ICA1: variants seen among roughly 807,000 people sequenced by gnomAD.
ICA1 encodes islet cell autoantigen 1, also known as 69 kDa islet cell autoantigen.
ICA1 carries 40 observed loss-of-function variants against 71.0 expected under a neutral mutation model. The observed-to-expected ratio is 0.56, with a 90% confidence interval of 0.44 to 0.73. The LOEUF (loss-of-function observed/expected upper bound fraction) is 0.73, where lower values mean the gene tolerates loss of function less well. Ranked by LOEUF, ICA1 falls within the 30% of genes least tolerant of loss-of-function variation. ICA1 has a pLI of 0.00. For missense variants in ICA1, 578 were observed against 576.5 expected (o/e 1.00, Z -0.03); for synonymous variants, 207 against 209.5 (o/e 0.99, Z 0.10).
intron 12 of ICA1, among the ~76,000 whole-genome samples, chr7:8,133,262 A>G (rs530365563): frequency 8.5e-5 from 13 of 152,256 alleles, no homozygotes; most frequent in African/African-American, 2.9e-4. Context: ...TTTAGCCCCT[A>G]TAACTCTAAG....
rs1796952972 is a variant in ICA1 at position 8,221,223 on chromosome 7, C to T, written c.380+52G>A. On this transcript the variant is annotated intron_variant, in intron 5 of 13. Coordinates refer to ENST00000402384, the MANE Select transcript of ICA1 (RefSeq NM_001136020.3). The stretch of plus-strand genomic sequence containing the variant: ...GATTCCCTTTCGTGAGTAGGTGGGT[C>T]CCGGAGTCTCCTCAGATCCCCCCAG... The T allele has an allele frequency of 2.9e-5, 46 of 1,609,038 alleles. No homozygotes were observed. The South Asian group carries it at 4.1e-4, about 14-fold the overall frequency.
In ICA1 at chr7:8,222,638, C is replaced by A. The variant is rs541536506; in HGVS notation, c.257-1240G>T. 6.1e-4 allele frequency among the ~76,000 whole-genome samples: 93 copies of A among 152,234 alleles called. No individual in the cohort carries two copies. The highest frequency in any genetic ancestry group is 1.8e-3 in the African/African-American group (76 of 41,534). ...TATTAATTTGTGACTATAGTTTCAC[C>A]CTAAACATTCCCTTGGGAAGGCCCA... On this transcript the variant is annotated intron_variant, in intron 4 of 13. Transcript: ENST00000402384. The surrounding 1 kb of genome is among the most constrained non-coding windows in gnomAD (Gnocchi z 4.8).
chr7:8,115,805 A>G (rs1220720937), intron 13 of ICA1, among the ~76,000 whole-genome samples: 3 of 152,268 alleles, frequency 2.0e-5, no homozygotes, highest in South Asian at 2.1e-4. Context: ...GACCTGTCCC[A>G]AAAGAGAACA....
At chr7:8,217,352 G>A (rs1003510550) in intron 6 of ICA1, among the ~76,000 whole-genome samples, 11 of 152,146 alleles carry the variant, frequency 7.2e-5, no homozygotes, top group Non-Finnish European at 1.3e-4. Context: ...GTATTCTTAA[G>A]GACCAGAAGG....
rs1341460972 is a variant in ICA1, at chr7:8,234,947, TGA to T, written c.17+961_17+962del. 6.6e-6 allele frequency among the ~76,000 whole-genome samples: 1 copy of T among 151,920 alleles called. No homozygotes were observed. Among genetic ancestry groups the T allele is most frequent in the African/African-American group, 2.4e-5 (1 of 41,362 alleles). ...TTGGGAGGCTGAGGTGGGCAGATCA[TGA>T]GGTCAAGAGATCGAGACCATCCTGG... On this transcript the variant is annotated intron_variant, in intron 2 of 13. Coordinates refer to ENST00000402384, the MANE Select transcript of ICA1 (RefSeq NM_001136020.3). This position sits in a 1 kb window ranked among gnomAD's most constrained non-coding sequence, Gnocchi z 4.5.
intron 1 of ICA1, among the ~76,000 whole-genome samples, chr7:8,253,022 T>G (rs2128535010): frequency 6.6e-6 from 1 of 152,296 alleles, no homozygotes; most frequent in South Asian, 2.1e-4. Flanking sequence ...ACCTTATTTC[T>G]TTTTAGTTTT....
chr7:8,180,837 C>CT (rs571384468), intron 6 of ICA1, among the ~76,000 whole-genome samples: 3,520 of 143,714 alleles, frequency 0.024, 42 homozygotes, highest in African/African-American at 0.033. Context: ...GTCTCTCTCT[C>CT]TTTTTTTTTT....
At chr7:8,215,962 C>G (rs1424177865) in intron 6 of ICA1, among the ~76,000 whole-genome samples, 1 of 152,208 alleles carries the variant, frequency 6.6e-6, no homozygotes, top group Non-Finnish European at 1.5e-5. Context: ...GGACAAAACA[C>G]TAAAGCTTGC....
Position 8,113,927 on chromosome 7 carries a change from G to A in ICA1, c.1448C>T (p.Ala483Val), listed in dbSNP as rs1783922115. ...KTDKEHELLNA is the reference protein window; with the variant it reads ...KTDKEHELLNV ...GCCCTCCCGAAGGGTACAGATTCATGCATTGAGCAATTCGTGTTCTTTATC... is the reference window on the plus strand; with the variant it reads ...GCCCTCCCGAAGGGTACAGATTCATACATTGAGCAATTCGTGTTCTTTATC... Residue 483 changes from alanine (A) to valine (V), a missense_variant, in exon 14 of 14, where the codon GCA (alanine) becomes GTA (valine). Ala to Val is a moderately conservative substitution (Grantham distance 64). Coordinates refer to ENST00000402384, the MANE Select transcript of ICA1 (RefSeq NM_001136020.3). The surrounding 1 kb of genome is among the most constrained non-coding windows in gnomAD (Gnocchi z 4.2). 6.2e-6 allele frequency: 10 copies of A among 1,614,052 alleles called. No individual in the cohort carries two copies. In the Admixed American group the frequency reaches 6.7e-5, roughly 11 times the overall value.
intron 6 of ICA1, among the ~76,000 whole-genome samples, chr7:8,165,581 G>A (rs7797934): frequency 0.94 from 143,356 of 152,318 alleles, 67,492 homozygotes; most frequent in African/African-American, 0.95. Flanking sequence ...AGGAAGTCAA[G>A]CTATCCCTGT....
intron 6 of ICA1, among the ~76,000 whole-genome samples, chr7:8,164,266 T>C (rs1274246411): frequency 8.0e-6 from 1 of 124,690 alleles, no homozygotes; most frequent in Admixed American, 1.1e-4. Flanking sequence ...ATCGTCGCAC[T>C]GCACTCCAGC....
intron 3 of ICA1, among the ~76,000 whole-genome samples, chr7:8,229,823 CAA>C (rs1203378262): frequency 1.3e-5 from 2 of 152,084 alleles, no homozygotes; most frequent in Non-Finnish European, 2.9e-5. Flanking sequence ...AGCCATAAAA[CAA>C]AAGAGAAAAT....
intron 6 of ICA1, among the ~76,000 whole-genome samples, chr7:8,159,912 T>C (rs1803120584): frequency 1.3e-5 from 2 of 152,144 alleles, no homozygotes; most frequent in Admixed American, 1.3e-4. Flanking sequence ...GTTCAAATAT[T>C]AATTTATCTC....
At chr7:8,227,852 C>T in intron 4 of ICA1, 1 of 451,792 alleles carries the variant, frequency 2.2e-6, no homozygotes. Flanking sequence ...TCCTAAAATG[C>T]TGGGATTACA....
At position 8,216,529 on chromosome 7, in the gene ICA1, G is replaced by A. The variant is rs547860707; in HGVS notation, c.579+1776C>T. Among the ~76,000 whole-genome samples the A allele has an allele frequency of 3.3e-5, 5 of 149,268 alleles. No homozygotes were observed. The South Asian group carries it at 8.4e-4, about 25-fold the overall frequency. On this transcript the variant is annotated intron_variant, in intron 6 of 13. Coordinates refer to ENST00000402384, the MANE Select transcript of ICA1 (RefSeq NM_001136020.3). Reference sequence around the variant, plus strand: ...TCAACACTCAAACCAAATGACGAACGGGCTTGGTTTTTATTTCGTCCTTAC... The same window carrying A: ...TCAACACTCAAACCAAATGACGAACAGGCTTGGTTTTTATTTCGTCCTTAC...
At chr7:8,199,572 G>T (rs1788845944) in intron 6 of ICA1, among the ~76,000 whole-genome samples, 1 of 152,002 alleles carries the variant, frequency 6.6e-6, no homozygotes, top group Admixed American at 6.6e-5. Context: ...AAATTAGCCG[G>T]GTGTGGTGAC....
In ICA1 at chr7:8,113,731, G is replaced by C; in HGVS notation, c.*192C>G. ...ATCCTGTATTATTTAGATCCACATA[G>C]AGATACACGAAAACCCTTTATACCA... On this transcript the variant is annotated 3_prime_UTR_variant, in exon 14 of 14. Transcript: ENST00000402384. This position sits in a 1 kb window ranked among gnomAD's most constrained non-coding sequence, Gnocchi z 4.2. 1.7e-6 allele frequency: 1 copy of C among 573,276 alleles called. No homozygotes were observed. The allele number at this position is 573,276 out of a possible 1,614,324, so 35.5% of individuals were successfully genotyped here.
At chr7:8,172,920 A>C (rs972938272) in intron 6 of ICA1, among the ~76,000 whole-genome samples, 1 of 152,218 alleles carries the variant, frequency 6.6e-6, no homozygotes, top group Admixed American at 6.5e-5. Context: ...TAACTAGCAC[A>C]CATTTGCTCC....
At chr7:8,118,130 G>GCA (rs1249972776) in intron 13 of ICA1, among the ~76,000 whole-genome samples, 1 of 152,094 alleles carries the variant, frequency 6.6e-6, no homozygotes, top group Non-Finnish European at 1.5e-5. Flanking sequence ...GCAGTACCTG[G>GCA]CACATATTCA....
Sources: gnomAD v4.1 joint callset for allele counts (sites outside exome capture counted in the v4.1 genomes callset) on GRCh38, gnomAD v4.1.1 for gene constraint, Gnocchi (gnomAD v3.1) non-coding constraint, MANE v1.5 for transcripts, NCBI Gene and HGNC (gene_info 2026-07-23, HGNC 2026-07-21) for gene names.